Variants in MYO3B observed in about 807,000 individuals in gnomAD.
MYO3B encodes myosin IIIB.
MYO3B carries 156 observed loss-of-function variants against 174.6 expected under a neutral mutation model. The observed-to-expected ratio is 0.89, with a 90% CI of 0.78 to 1.02. The LOEUF is 1.02. Among genes scored for constraint, MYO3B ranks in the 50% least tolerant of loss-of-function variants. The pLI is 0.00. For missense variants in MYO3B, 1,632 were observed against 1,639.4 expected (o/e 1.00, Z 0.08); for synonymous variants, 563 against 569.1 (o/e 0.99, Z 0.15).
Position 170,218,292 on chromosome 2 carries a change from T to G in MYO3B, c.603+897T>G, listed in dbSNP as rs143861290. ...GGCCCATTTTAAAGAAAAAGAAAAA[T>G]GCTGCAATTTCCAGTGTTTACCTAA... On this transcript the variant is annotated intron_variant, in intron 6 of 34. Transcript: ENST00000408978. Among the ~76,000 whole-genome samples the G allele has an allele frequency of 2.3e-3, 354 of 152,268 alleles. 12 individuals are homozygous for G. In the East Asian group the frequency reaches 0.065, roughly 28 times the overall value.
intron 32 of MYO3B, among the ~76,000 whole-genome samples, chr2:170,563,107 C>T (rs1456299980): frequency 1.4e-5 from 2 of 144,594 alleles, no homozygotes. Flanking sequence ...TTCTCTCTCT[C>T]TCTCTCACAC....
At chr2:170,249,934 G>C (rs1023007168) in intron 7 of MYO3B, among the ~76,000 whole-genome samples, 1 of 152,130 alleles carries the variant, frequency 6.6e-6, no homozygotes, top group Non-Finnish European at 1.5e-5. Context: ...GTGAGCAACA[G>C]AAAAAAATGG....
intron 32 of MYO3B, among the ~76,000 whole-genome samples, chr2:170,646,364 C>A (rs1284340363): frequency 6.6e-6 from 1 of 151,400 alleles, no homozygotes; most frequent in African/African-American, 2.4e-5. Flanking sequence ...TTCCTTGGAA[C>A]AAGTTGCTTA....
chr2:170,478,394 A>G (rs940764973), intron 25 of MYO3B, among the ~76,000 whole-genome samples: 2 of 152,108 alleles, frequency 1.3e-5, no homozygotes, highest in African/African-American at 4.8e-5. Flanking sequence ...CTTACAATCC[A>G]TTCATTTCTT....
intron 3 of MYO3B, among the ~76,000 whole-genome samples, chr2:170,213,830 A>G (rs1197936741): frequency 2.6e-5 from 4 of 152,218 alleles, no homozygotes; most frequent in Non-Finnish European, 5.9e-5. Flanking sequence ...ACTTCACTCC[A>G]TAAACTTTAT....
At chr2:170,527,723 G>A (rs980892383) in intron 30 of MYO3B, among the ~76,000 whole-genome samples, 1 of 152,210 alleles carries the variant, frequency 6.6e-6, no homozygotes, top group Non-Finnish European at 1.5e-5. Context: ...GGGCAAGTGT[G>A]TTTCTAATAA....
At chr2:170,508,181 T>C (rs1279897534) in intron 28 of MYO3B, among the ~76,000 whole-genome samples, 3 of 152,174 alleles carry the variant, frequency 2.0e-5, no homozygotes, top group Admixed American at 2.0e-4. Flanking sequence ...GAGCCTACAA[T>C]CTGGAATCAG....
In MYO3B at chr2:170,402,964, A is replaced by C. The variant is rs1386311599; in HGVS notation, c.2246A>C (p.Tyr749Ser). Residue 749 changes from tyrosine (Y) to serine (S), a missense_variant, in exon 19 of 35, where the codon TAT becomes TCT. By Grantham distance (144) the Tyr-to-Ser change is moderately radical (BLOSUM62 -2). Coordinates refer to ENST00000408978, the MANE Select transcript of MYO3B (RefSeq NM_138995.5). ...ATCGCCAATGAGCAAATCCAGTACT[A>C]TTTCAATCAGCATGTTTTTGCTCTT... ...INIANEQIQY[Y>S]FNQHVFALEQ... 6.2e-7 allele frequency: 1 copy of C among 1,605,214 alleles called. No individual in the cohort carries two copies. Among genetic ancestry groups the C allele is most frequent in the Non-Finnish European group, 8.5e-7 (1 of 1,173,074 alleles).
At chr2:170,619,101 A>G (rs966979926) in intron 32 of MYO3B, among the ~76,000 whole-genome samples, 5 of 152,212 alleles carry the variant, frequency 3.3e-5, no homozygotes, top group Non-Finnish European at 5.9e-5. Context: ...AAAGAGGCCT[A>G]GAAGAGCTGT....
At chr2:170,345,091 T>G (rs920926838) in intron 8 of MYO3B, 11 of 152,228 alleles carry the variant, frequency 7.2e-5, no homozygotes, top group Non-Finnish European at 1.3e-4. Context: ...CTGCTTCCAC[T>G]GTGGCGCTTC....
intron 9 of MYO3B, among the ~76,000 whole-genome samples, chr2:170,371,529 G>T (rs1416949937): frequency 6.6e-6 from 1 of 152,022 alleles, no homozygotes; most frequent in African/African-American, 2.4e-5. Context: ...GCACGTAATT[G>T]ACACTTAACC....
chr2:170,523,425 G>A (rs1021601496), intron 30 of MYO3B, among the ~76,000 whole-genome samples: 1 of 151,704 alleles, frequency 6.6e-6, no homozygotes, highest in African/African-American at 2.4e-5. Flanking sequence ...AATCAACAAG[G>A]GCTGATAGGA....
chr2:170,455,685 G>C (rs1269628463), intron 23 of MYO3B, among the ~76,000 whole-genome samples: 1 of 152,158 alleles, frequency 6.6e-6, no homozygotes, highest in Non-Finnish European at 1.5e-5. Flanking sequence ...TCCATGTGTG[G>C]AGCCCATATG....
chr2:170,649,193 T>A (rs1489667747), intron 32 of MYO3B, among the ~76,000 whole-genome samples: 7 of 65,402 alleles, frequency 1.1e-4, no homozygotes, highest in Non-Finnish European at 1.3e-4. Flanking sequence ...AAATAATATA[T>A]ATTATATATA....
At chr2:170,510,525 C>T (rs1354822741) in intron 28 of MYO3B, among the ~76,000 whole-genome samples, 1 of 152,096 alleles carries the variant, frequency 6.6e-6, no homozygotes, top group East Asian at 1.9e-4. Flanking sequence ...CTAGTGATAT[C>T]CCAAAATTCA....
chr2:170,269,271 A>G (rs2093407514), intron 7 of MYO3B, among the ~76,000 whole-genome samples: 1 of 152,184 alleles, frequency 6.6e-6, no homozygotes. Context: ...TGGGTTCTCC[A>G]TATTTGGAGT....
At chr2:170,647,354 C>T (rs1318533712) in intron 32 of MYO3B, among the ~76,000 whole-genome samples, 2 of 152,100 alleles carry the variant, frequency 1.3e-5, no homozygotes, top group African/African-American at 4.8e-5. Flanking sequence ...GCAAAGTACA[C>T]TGTGTATAGG....
At chr2:170,459,957 T>C (rs1054538348) in intron 23 of MYO3B, among the ~76,000 whole-genome samples, 2 of 152,088 alleles carry the variant, frequency 1.3e-5, no homozygotes, top group African/African-American at 4.8e-5. Context: ...CCGGAACTCA[T>C]GCTGGCTCTC....
intron 25 of MYO3B, among the ~76,000 whole-genome samples, chr2:170,478,504 G>A (rs967595160): frequency 1.3e-5 from 2 of 150,288 alleles, no homozygotes; most frequent in Non-Finnish European, 3.0e-5. Flanking sequence ...CATGGAGAAG[G>A]TGTGTGGGGT....
Sources: allele counts gnomAD v4.1 joint callset (sites outside exome capture counted in the v4.1 genomes callset), GRCh38; gene constraint gnomAD v4.1.1; transcripts MANE v1.5; gene names NCBI Gene and HGNC (gene_info 2026-07-23, HGNC 2026-07-21).